CFAP20DC: variants seen among roughly 807,000 people sequenced by gnomAD.
CFAP20DC encodes CFAP20 domain containing.
In CFAP20DC, 84 loss-of-function variants were observed where a neutral mutation model predicts 101.7. The ratio of observed to expected loss-of-function variants is 0.83; its 90% CI spans 0.69 to 0.99. The LOEUF is 0.99. CFAP20DC is among the 50% of genes least tolerant of loss of function. The pLI is 0.00. For missense variants in CFAP20DC, 1,007 were observed against 970.3 expected (o/e 1.04, Z -0.50); for synonymous variants, 359 against 351.2 (o/e 1.02, Z -0.25).
intron 15 of CFAP20DC, among the ~76,000 whole-genome samples, chr3:58,773,455 C>A (rs1282397521): frequency 6.6e-6 from 1 of 150,826 alleles, no homozygotes; most frequent in Non-Finnish European, 1.5e-5. Context: ...ACTTGGGGGG[C>A]TGAAGTGGGA....
At chr3:59,028,272 T>TA (rs1226317151) in intron 4 of CFAP20DC, among the ~76,000 whole-genome samples, 3 of 152,188 alleles carry the variant, frequency 2.0e-5, no homozygotes, top group Non-Finnish European at 4.4e-5. Context: ...AGTTTTCATT[T>TA]AAAAAAGTCT....
At chr3:58,987,374 A>G (rs1041609944) in intron 4 of CFAP20DC, among the ~76,000 whole-genome samples, 1 of 152,128 alleles carries the variant, frequency 6.6e-6, no homozygotes, top group African/African-American at 2.4e-5. Context: ...ATCTAAATGT[A>G]TAGCCTTAAA....
At chr3:58,893,307 G>A (rs1405709582) in intron 6 of CFAP20DC, among the ~76,000 whole-genome samples, 1 of 152,204 alleles carries the variant, frequency 6.6e-6, no homozygotes, top group Non-Finnish European at 1.5e-5. Flanking sequence ...GCCTCCCAAA[G>A]TGCTGGGATT....
intron 7 of CFAP20DC, among the ~76,000 whole-genome samples, chr3:58,878,628 A>G (rs2080958456): frequency 6.6e-6 from 1 of 152,182 alleles, no homozygotes; most frequent in Non-Finnish European, 1.5e-5. Flanking sequence ...GAAATAAGGC[A>G]AGAGAAGAAG....
intron 6 of CFAP20DC, among the ~76,000 whole-genome samples, chr3:58,891,066 A>C (rs2082196479): frequency 6.7e-6 from 1 of 149,332 alleles, no homozygotes; most frequent in Non-Finnish European, 1.5e-5. Context: ...TGGGAGGCCA[A>C]GGCAGGCGGC....
intron 4 of CFAP20DC, among the ~76,000 whole-genome samples, chr3:58,987,458 T>C (rs892394448): frequency 2.0e-5 from 3 of 151,776 alleles, no homozygotes; most frequent in Admixed American, 6.6e-5. Flanking sequence ...AAACAATATA[T>C]TACAAAAGTG....
intron 7 of CFAP20DC, among the ~76,000 whole-genome samples, chr3:58,872,423 C>A (rs2080308021): frequency 6.6e-6 from 1 of 151,840 alleles, no homozygotes; most frequent in East Asian, 1.9e-4. Context: ...ATACCATACT[C>A]AGCAAGATCC....
chr3:58,767,040 A>G (rs1012672460), intron 15 of CFAP20DC, among the ~76,000 whole-genome samples: 1 of 152,192 alleles, frequency 6.6e-6, no homozygotes, highest in Non-Finnish European at 1.5e-5. Context: ...TCATTTGATG[A>G]ATGTCGCAAC....
At position 58,745,041 on chromosome 3, in the gene CFAP20DC, G is replaced by A. The variant is rs560321362; in HGVS notation, c.2333-2469C>T. Reference sequence around the variant, plus strand: ...TAATGGTAGCTGACCTGACCACCCTGCACAGTTTCTAATTAAGAACAGGAA... The same window carrying A: ...TAATGGTAGCTGACCTGACCACCCTACACAGTTTCTAATTAAGAACAGGAA... On this transcript the variant is annotated intron_variant, in intron 16 of 16. Coordinates refer to ENST00000482387, the MANE Select transcript of CFAP20DC (RefSeq NM_001394063.1). Among the ~76,000 whole-genome samples, 25 of 152,184 alleles carry A rather than the reference G, an allele frequency of 1.6e-4. No individual in the cohort carries two copies. In the Middle Eastern group the frequency reaches 0.01, roughly 62 times the overall value.
intron 4 of CFAP20DC, among the ~76,000 whole-genome samples, chr3:58,965,275 TTA>T (rs2091444659): frequency 6.6e-6 from 1 of 152,184 alleles, no homozygotes; most frequent in Non-Finnish European, 1.5e-5. Flanking sequence ...CTCTAAAAGT[TTA>T]TGTTTTTGCC....
At chr3:58,735,928 ACAC>A (rs2067743515) in intron 3 of CFAP20DC, among the ~76,000 whole-genome samples, 1 of 152,208 alleles carries the variant, frequency 6.6e-6, no homozygotes, top group Admixed American at 6.5e-5. Context: ...GGACTTTGTA[ACAC>A]TCATAGATTC....
At chr3:58,919,328 A>G (rs1266635292) in intron 5 of CFAP20DC, among the ~76,000 whole-genome samples, 3 of 152,092 alleles carry the variant, frequency 2.0e-5, no homozygotes, top group Non-Finnish European at 4.4e-5. Flanking sequence ...TCTGTTTTGA[A>G]CAGTTAGATT....
At chr3:58,916,658 T>C (rs2084757772) in intron 5 of CFAP20DC, among the ~76,000 whole-genome samples, 1 of 152,134 alleles carries the variant, frequency 6.6e-6, no homozygotes, top group Admixed American at 6.6e-5. Context: ...CTTTATTTAA[T>C]GAATCAATTT....
chr3:58,884,495 G>C (rs1211187732), intron 7 of CFAP20DC, 50 bp downstream of exon 7: 1 of 1,548,152 alleles, frequency 6.5e-7, no homozygotes, highest in Non-Finnish European at 8.9e-7. Flanking sequence ...ACACTTTATG[G>C]GAGAGATGCA....
chr3:58,735,561 T>C (rs1259841415), intron 3 of CFAP20DC, among the ~76,000 whole-genome samples: 3 of 152,088 alleles, frequency 2.0e-5, no homozygotes, highest in Non-Finnish European at 4.4e-5. Flanking sequence ...GAAATGAGAA[T>C]AGGTTAAGCC....
At position 58,863,907 on chromosome 3, in the gene CFAP20DC, A is replaced by C. The variant is rs2079455809; in HGVS notation, c.1259-15T>G. ...AATCCACTCATCTGACAGTTGGAAAAGATGACAAAAATTAGAGCAGTAATC... is the reference window on the plus strand; with the variant it reads ...AATCCACTCATCTGACAGTTGGAAACGATGACAAAAATTAGAGCAGTAATC... On this transcript the variant is annotated splice_polypyrimidine_tract_variant and intron_variant, in intron 11 of 16. Transcript: ENST00000482387. This position sits in a 1 kb window ranked among gnomAD's most constrained non-coding sequence, Gnocchi z 5.9. 6.3e-7 allele frequency: 1 copy of C among 1,589,292 alleles called. No individual in the cohort carries two copies. The highest frequency in any genetic ancestry group is 8.6e-7 in the Non-Finnish European group (1 of 1,169,340).
At chr3:58,727,899 T>C (rs967555268) in intron 3 of CFAP20DC, 1 of 152,188 alleles carries the variant, frequency 6.6e-6, no homozygotes, top group African/African-American at 2.4e-5. Flanking sequence ...TTACAGTTGC[T>C]ATGTAGAGTG....
At chr3:58,816,630 G>A (rs1007373613) in intron 14 of CFAP20DC, among the ~76,000 whole-genome samples, 7 of 105,512 alleles carry the variant, frequency 6.6e-5, no homozygotes, top group Admixed American at 1.8e-4. Context: ...CACCTGGCTC[G>A]AGGGTCCTAC....
chr3:58,952,681 T>C (rs1672822369), intron 4 of CFAP20DC, among the ~76,000 whole-genome samples: 1 of 151,990 alleles, frequency 6.6e-6, no homozygotes, highest in African/African-American at 2.4e-5. Flanking sequence ...CCAGTGAGTC[T>C]TGATTTAAAA....
Sources: gnomAD v4.1 joint callset for allele counts (sites outside exome capture counted in the v4.1 genomes callset) on GRCh38, gnomAD v4.1.1 for gene constraint, Gnocchi (gnomAD v3.1) non-coding constraint, MANE v1.5 for transcripts, NCBI Gene and HGNC (gene_info 2026-07-23, HGNC 2026-07-21) for gene names.